TMC1: variants seen among roughly 807,000 people sequenced by gnomAD.
The protein encoded by TMC1 is transmembrane channel-like protein 1.
A neutral mutation model predicts 105.8 loss-of-function variants in TMC1; 84 were observed. The observed-to-expected ratio is 0.79, with a 90% confidence interval of 0.67 to 0.95. The LOEUF (loss-of-function observed/expected upper bound fraction) is 0.95, where lower values mean the gene tolerates loss of function less well. Ranked by LOEUF, TMC1 falls within the 40% of genes least tolerant of loss-of-function variation. The pLI is 0.00. For missense variants in TMC1, 817 were observed against 914.1 expected (o/e 0.89, Z 1.37); for synonymous variants, 315 against 311.5 (o/e 1.01, Z -0.12).
chr9:72,547,286 CA>C (rs36012788), intron 1 of TMC1, among the ~76,000 whole-genome samples: 170 of 114,960 alleles, frequency 1.5e-3, no homozygotes, highest in Middle Eastern at 4.5e-3. Flanking sequence ...GACTCCTTCT[CA>C]AAAAAAAAAA....
intron 18 of TMC1, among the ~76,000 whole-genome samples, chr9:72,805,795 C>T (rs1828565401): frequency 1.3e-5 from 2 of 151,910 alleles, no homozygotes; most frequent in African/African-American, 4.8e-5. Context: ...GCACATCTTG[C>T]ACCACCCTTA....
At chr9:72,683,787 T>A (rs1205521892) in intron 5 of TMC1, among the ~76,000 whole-genome samples, 1 of 116,626 alleles carries the variant, frequency 8.6e-6, no homozygotes, top group Non-Finnish European at 1.9e-5. Context: ...TAAAAATATT[T>A]ATTTGTCATA....
At chr9:72,562,561 A>G (rs1824075657) in intron 1 of TMC1, among the ~76,000 whole-genome samples, 1 of 152,238 alleles carries the variant, frequency 6.6e-6, no homozygotes, top group Non-Finnish European at 1.5e-5. Context: ...TTGATTCACA[A>G]GCATTTGAAT....
chr9:72,824,302 T>C (rs1828919319), intron 20 of TMC1, among the ~76,000 whole-genome samples: 1 of 152,230 alleles, frequency 6.6e-6, no homozygotes, highest in South Asian at 2.1e-4. Context: ...AGCAGCTCAG[T>C]TGGCCCCTTG....
chr9:72,555,821 C>A (rs1823927185), intron 1 of TMC1, among the ~76,000 whole-genome samples: 1 of 151,468 alleles, frequency 6.6e-6, no homozygotes, highest in African/African-American at 2.4e-5. Context: ...TGGGGTTTCA[C>A]CATATTCCCC....
At chr9:72,675,483 G>A (rs944185989) in intron 5 of TMC1, among the ~76,000 whole-genome samples, 3 of 152,110 alleles carry the variant, frequency 2.0e-5, no homozygotes, top group East Asian at 1.9e-4. Context: ...AAGCACCTGC[G>A]TGTATTTGTT....
chr9:72,537,381 C>T (rs1823603138), intron 1 of TMC1, among the ~76,000 whole-genome samples: 1 of 152,202 alleles, frequency 6.6e-6, no homozygotes, highest in South Asian at 2.1e-4. Flanking sequence ...CTCCTGAAAA[C>T]ACTCTTTCTT....
intron 14 of TMC1, among the ~76,000 whole-genome samples, 156 bp from the exon 15 acceptor site, chr9:72,788,967 T>C (rs145820414): frequency 1.5e-4 from 23 of 152,346 alleles, no homozygotes; most frequent in African/African-American, 5.5e-4. Context: ...GTTGGCAATA[T>C]TCACCTGGTT....
intron 5 of TMC1, among the ~76,000 whole-genome samples, chr9:72,653,147 T>A (rs1825838104): frequency 6.6e-6 from 1 of 152,194 alleles, no homozygotes; most frequent in Admixed American, 6.5e-5. Context: ...AGCAAATAAT[T>A]TGTTTTGTTC....
At chr9:72,637,995 T>C (rs1324008570) in intron 4 of TMC1, among the ~76,000 whole-genome samples, 1 of 152,096 alleles carries the variant, frequency 6.6e-6, no homozygotes, top group African/African-American at 2.4e-5. Flanking sequence ...GTAGTTCTTA[T>C]GGTGTTCTGC....
chr9:72,697,769 A>G (rs1261885812), intron 7 of TMC1, among the ~76,000 whole-genome samples: 1 of 152,118 alleles, frequency 6.6e-6, no homozygotes, highest in Non-Finnish European at 1.5e-5. Context: ...ATCATGAATT[A>G]TTTTGAAATG....
chr9:72,545,778 A>G (rs1823756000), intron 1 of TMC1, among the ~76,000 whole-genome samples: 1 of 151,762 alleles, frequency 6.6e-6, no homozygotes, highest in African/African-American at 2.4e-5. Context: ...GTGAGCCACC[A>G]CACCCGGTCT....
At chr9:72,649,173 A>T (rs1416443491) in intron 5 of TMC1, among the ~76,000 whole-genome samples, 1 of 152,228 alleles carries the variant, frequency 6.6e-6, no homozygotes, top group Non-Finnish European at 1.5e-5. Flanking sequence ...TATGTGAAGG[A>T]ATGAGCAACG....
At position 72,722,829 on chromosome 9, in the gene TMC1, G is replaced by C. The variant is rs1158719452; in HGVS notation, c.363-17290G>C. ...ATCTATAGTGCTTGCCAATTTCCGT[G>C]GTGTAAATACTTCCACTATAGCCAA... On this transcript the variant is annotated intron_variant, in intron 8 of 23. Transcript: ENST00000297784. Among the ~76,000 whole-genome samples, 6 of 152,044 alleles carry C rather than the reference G, an allele frequency of 3.9e-5. No individual in the cohort carries two copies. In the East Asian group the frequency reaches 1.2e-3, roughly 29 times the overall value.
At chr9:72,716,070 C>T (rs1000832708) in intron 8 of TMC1, among the ~76,000 whole-genome samples, 1 of 152,222 alleles carries the variant, frequency 6.6e-6, no homozygotes, top group Non-Finnish European at 1.5e-5. Flanking sequence ...ACCCTGTTCA[C>T]TTGGGTATCA....
intron 2 of TMC1, among the ~76,000 whole-genome samples, chr9:72,583,534 A>G (rs1276160493): frequency 6.6e-6 from 1 of 152,256 alleles, no homozygotes; most frequent in Admixed American, 6.5e-5. Context: ...TGCTGACTCA[A>G]CAACTCTAAT....
At chr9:72,577,036 C>G (rs1169855676) in intron 1 of TMC1, among the ~76,000 whole-genome samples, 6 of 152,000 alleles carry the variant, frequency 3.9e-5, no homozygotes, top group African/African-American at 1.5e-4. Flanking sequence ...AGAAATTATT[C>G]TCGGAAATGT....
chr9:72,587,069 AC>A (rs1824565178), intron 2 of TMC1, among the ~76,000 whole-genome samples: 1 of 152,136 alleles, frequency 6.6e-6, no homozygotes, highest in South Asian at 2.1e-4. Flanking sequence ...TGAACATTTT[AC>A]AATGCCCAGG....
chr9:72,541,070 C>T (rs1404026814), intron 1 of TMC1, among the ~76,000 whole-genome samples: 1 of 152,198 alleles, frequency 6.6e-6, no homozygotes, highest in African/African-American at 2.4e-5. Flanking sequence ...ATCTACCCTC[C>T]TTTCCTTTTT....
Sources: allele counts gnomAD v4.1 joint callset (sites outside exome capture counted in the v4.1 genomes callset), GRCh38; gene constraint gnomAD v4.1.1; transcripts MANE v1.5; gene names NCBI Gene and HGNC (gene_info 2026-07-23, HGNC 2026-07-21).